DENND1A: variants seen among roughly 807,000 people sequenced by gnomAD.
DENND1A encodes DENN domain-containing protein 1A.
Under a neutral mutation model 113.7 loss-of-function variants are expected in DENND1A, and 51 were observed. The observed-to-expected ratio is 0.45, with a 90% CI of 0.36 to 0.57. The LOEUF (loss-of-function observed/expected upper bound fraction) is 0.57. DENND1A is among the 20% of genes least tolerant of loss of function. The probability of loss-of-function intolerance (pLI) is 0.00; values close to 1 mark genes in which losing one functional copy is unlikely to be tolerated. For missense variants in DENND1A, 1,258 were observed against 1,395.9 expected, an observed-to-expected ratio of 0.90 and a Z score of 1.57; for synonymous variants, 565 against 570.8, an observed-to-expected ratio of 0.99 and a Z score of 0.14.
chr9:123,917,113 G>A (rs531487736), intron 1 of DENND1A, among the ~76,000 whole-genome samples: 26 of 152,082 alleles, frequency 1.7e-4, no homozygotes, highest in Non-Finnish European at 3.5e-4. Context: ...GAACACAGGA[G>A]GCAGAAATTG....
At chr9:123,607,474 G>C (rs775503882) in intron 11 of DENND1A, among the ~76,000 whole-genome samples, 32 of 129,464 alleles carry the variant, frequency 2.5e-4, no homozygotes, top group South Asian at 5.6e-4. Context: ...GAGAGAGAGA[G>C]ACACAGAGAG....
At chr9:123,638,499 C>G (rs1043853728) in intron 9 of DENND1A, among the ~76,000 whole-genome samples, 1 of 152,126 alleles carries the variant, frequency 6.6e-6, no homozygotes, top group African/African-American at 2.4e-5. Context: ...TACAGAATCT[C>G]GTTCTGCCAC....
intron 12 of DENND1A, among the ~76,000 whole-genome samples, chr9:123,578,842 TTG>T (rs60704272): frequency 9.3e-5 from 14 of 151,102 alleles, no homozygotes; most frequent in African/African-American, 2.7e-4. Context: ...CAGTGTGTGT[TTG>T]TGTGTGTGTG....
intron 5 of DENND1A, among the ~76,000 whole-genome samples, chr9:123,749,567 T>C (rs1490971612): frequency 6.6e-6 from 1 of 152,200 alleles, no homozygotes; most frequent in Non-Finnish European, 1.5e-5. Context: ...TAAAAATAAA[T>C]GAAAATTACA....
At position 123,495,475 on chromosome 9, in the gene DENND1A, C is replaced by T. The variant is rs192605660; in HGVS notation, c.994-37578G>A. 6.6e-5 allele frequency among the ~76,000 whole-genome samples: 10 copies of T among 152,214 alleles called. No individual in the cohort carries two copies. In the East Asian group the frequency reaches 1.7e-3, roughly 26 times the overall value. On this transcript the variant is annotated intron_variant, in intron 13 of 23. Coordinates refer to ENST00000394215, the MANE Select transcript of DENND1A (RefSeq NM_001352964.2). ...CTCAAAGGAAACATTTAAAAAACCA[C>T]GGGTGTTACAAATGGCCACTTTCTC...
chr9:123,449,491 C>T (rs1267070639), intron 18 of DENND1A, among the ~76,000 whole-genome samples: 1 of 149,348 alleles, frequency 6.7e-6, no homozygotes, highest in Non-Finnish European at 1.5e-5. Flanking sequence ...GCCGAGATCG[C>T]GCCATTGCAC....
In DENND1A at chr9:123,671,215, C is replaced by A. The variant is rs73665329; in HGVS notation, c.453+76G>T. On this transcript the variant is annotated intron_variant, in intron 7 of 23. Coordinates refer to ENST00000394215, the MANE Select transcript of DENND1A (RefSeq NM_001352964.2). Reference sequence around the variant, plus strand: ...GGAGGTATGGCTGACAAAATACAATCCTGTTCAGCTAGCTCCCTCTTACTG... The same window carrying A: ...GGAGGTATGGCTGACAAAATACAATACTGTTCAGCTAGCTCCCTCTTACTG... The A allele has an allele frequency of 0.01, 16,061 of 1,556,444 alleles. 1,292 individuals carry two copies. In the African/African-American group the frequency reaches 0.19, roughly 18 times the overall value.
At chr9:123,851,928 G>C (rs1441064398) in intron 2 of DENND1A, among the ~76,000 whole-genome samples, 1 of 152,174 alleles carries the variant, frequency 6.6e-6, no homozygotes, top group African/African-American at 2.4e-5. Context: ...GAATCCAAAA[G>C]CCCAGAAGGT....
At chr9:123,457,741 C>A (rs929293993) in intron 14 of DENND1A, 52 bp downstream of exon 14, 3 of 1,521,268 alleles carry the variant, frequency 2.0e-6, no homozygotes, top group African/African-American at 1.4e-5. Context: ...GAGACAGCTG[C>A]AGAAATCCCC....
At chr9:123,499,593 C>A (rs1403328805) in intron 13 of DENND1A, among the ~76,000 whole-genome samples, 2 of 152,170 alleles carry the variant, frequency 1.3e-5, no homozygotes, top group East Asian at 1.9e-4. Context: ...CGAGACAAAG[C>A]ACAAAGATAT....
At chr9:123,641,602 A>G (rs891051626) in intron 9 of DENND1A, among the ~76,000 whole-genome samples, 7 of 152,316 alleles carry the variant, frequency 4.6e-5, no homozygotes, top group Admixed American at 3.3e-4. Flanking sequence ...AGCTCTCCCA[A>G]AGAGAATATG....
At chr9:123,728,490 A>AAAAAAAAAAAAAAAAAAAC (rs2067895132) in intron 5 of DENND1A, among the ~76,000 whole-genome samples, 1 of 142,108 alleles carries the variant, frequency 7.0e-6, no homozygotes, top group Non-Finnish European at 1.5e-5. Context: ...AAAAAAAAAA[A>AAAAAAAAAAAAAAAAAAAC]AAAAAAAAAA....
intron 11 of DENND1A, among the ~76,000 whole-genome samples, chr9:123,590,265 A>C (rs1272427828): frequency 1.3e-5 from 2 of 152,172 alleles, no homozygotes; most frequent in African/African-American, 4.8e-5. Context: ...TTCCTTCCCT[A>C]GTCTACAGGC....
intron 10 of DENND1A, among the ~76,000 whole-genome samples, chr9:123,624,049 A>T (rs1359825856): frequency 6.6e-6 from 1 of 152,220 alleles, no homozygotes; most frequent in African/African-American, 2.4e-5. Context: ...TATGCATAGA[A>T]AGGGCACCTG....
At chr9:123,507,846 A>C (rs536890791) in intron 13 of DENND1A, among the ~76,000 whole-genome samples, 28 of 152,002 alleles carry the variant, frequency 1.8e-4, no homozygotes, top group African/African-American at 6.5e-4. Context: ...ATAAATAAAT[A>C]AATAAATAAA....
chr9:123,514,477 AGGAG>A (rs1333974802), intron 13 of DENND1A, among the ~76,000 whole-genome samples: 1 of 152,056 alleles, frequency 6.6e-6, no homozygotes. Flanking sequence ...AAGTAGACAG[AGGAG>A]GCCTAACCTC....
chr9:123,521,198 G>C (rs574941687), intron 13 of DENND1A, among the ~76,000 whole-genome samples: 6 of 152,148 alleles, frequency 3.9e-5, no homozygotes, highest in African/African-American at 9.7e-5. Flanking sequence ...CCAGTGCACC[G>C]GGTAAGTTTA....
chr9:123,538,855 T>TATATACAC (rs1564676522), intron 13 of DENND1A, among the ~76,000 whole-genome samples: 3 of 101,288 alleles, frequency 3.0e-5, no homozygotes, highest in Non-Finnish European at 6.0e-5. Flanking sequence ...TATATATATA[T>TATATACAC]ATATGAATTC....
intron 13 of DENND1A, among the ~76,000 whole-genome samples, chr9:123,509,858 T>G (rs2053296045): frequency 6.6e-6 from 1 of 152,216 alleles, no homozygotes; most frequent in Admixed American, 6.5e-5. Context: ...AAATCTCCAC[T>G]GACTGACTCA....
Sources: allele counts gnomAD v4.1 joint callset (sites outside exome capture counted in the v4.1 genomes callset), GRCh38; gene constraint gnomAD v4.1.1; transcripts MANE v1.5; gene names NCBI Gene and HGNC (gene_info 2026-07-23, HGNC 2026-07-21).